The following HERC4 variants were observed in gnomAD, a reference collection of about 807,000 sequenced individuals.
HERC4 encodes the protein HECT and RLD domain containing E3 ubiquitin protein ligase 4, also known as probable E3 ubiquitin-protein ligase HERC4.
HERC4 carries 28 observed loss-of-function variants against 124.3 expected under a neutral mutation model. The observed-to-expected ratio is 0.23, with a 90% CI of 0.17 to 0.31. The LOEUF is 0.31. Among genes scored for constraint, HERC4 ranks in the 10% least tolerant of loss-of-function variants. The pLI, the probability that HERC4 is intolerant of heterozygous loss-of-function variation, is 1.00. For synonymous variants in HERC4, 407 were observed against 421.5 expected, an observed-to-expected ratio of 0.97 and a Z score of 0.42; for missense variants, 713 against 1,229.3, an observed-to-expected ratio of 0.58 and a Z score of 6.28.
chr10:67,992,219 C>A lies in HERC4; in HGVS notation c.1251G>T (p.Arg417Ser). 1.9e-6 allele frequency: 3 copies of A among 1,613,936 alleles called. No homozygotes were observed. Among genetic ancestry groups the A allele is most frequent in the South Asian group, 1.1e-5 (1 of 91,080 alleles). Reference sequence around the variant, plus strand: ...CTTACTTGGCTATCTCCACAGGAAACCTTCCAGAAGGATAGCTCAGCCATT... The same window carrying A: ...CTTACTTGGCTATCTCCACAGGAAAACTTCCAGAAGGATAGCTCAGCCATT... ...IQKWLSYPSG[R>S]FPVEIANEID... Residue 417 changes from arginine (R) to serine (S), a missense_variant, in exon 11 of 25, where the codon AGG (arginine) becomes AGT (serine). Transcript: ENST00000373700.
chr10:68,009,611 G>C (rs927336862), intron 9 of HERC4, among the ~76,000 whole-genome samples: 3 of 152,170 alleles, frequency 2.0e-5, no homozygotes, highest in Non-Finnish European at 4.4e-5. Flanking sequence ...GGTGGTAATT[G>C]CTGAAGGCTG....
chr10:67,927,092 T>C (rs1348343486), intron 23 of HERC4, among the ~76,000 whole-genome samples: 6 of 152,118 alleles, frequency 3.9e-5, no homozygotes, highest in African/African-American at 1.4e-4. Flanking sequence ...ATATGCAAAA[T>C]ATTTGCTGTT....
intron 23 of HERC4, among the ~76,000 whole-genome samples, chr10:67,926,210 C>T (rs1406963366): frequency 6.6e-6 from 1 of 152,118 alleles, no homozygotes; most frequent in East Asian, 1.9e-4. Context: ...GCCTGGCCAA[C>T]ATGGTGAAAC....
chr10:68,027,582 T>G (rs1391854706), intron 7 of HERC4, among the ~76,000 whole-genome samples: 1 of 152,252 alleles, frequency 6.6e-6, no homozygotes, highest in Non-Finnish European at 1.5e-5. Flanking sequence ...ATTATTTTAT[T>G]GCATCATGTC....
chr10:67,927,415 TA>T (rs57274189), intron 23 of HERC4, among the ~76,000 whole-genome samples: 142 of 12,430 alleles, frequency 0.011, 15 homozygotes, highest in East Asian at 0.03. Flanking sequence ...TATATATATA[TA>T]TATATATATA....
At chr10:67,961,482 C>G (rs1315910939) in intron 16 of HERC4, 2 of 152,274 alleles carry the variant, frequency 1.3e-5, no homozygotes, top group East Asian at 3.8e-4. Context: ...TGGTGCTGCT[C>G]AGAGAGTCAA....
rs182757686 is a variant in HERC4 at position 68,016,631 on chromosome 10, T to G, written c.909-2445A>C. Among the ~76,000 whole-genome samples, 34 of 152,134 alleles carry G rather than the reference T, an allele frequency of 2.2e-4. No homozygotes were observed. The East Asian group carries it at 6.0e-3, about 27-fold the overall frequency. ...CTCCCAAAGTGCTGGGATTACAGGC[T>G]TGAGCCACTGCACCCGGCCCAATAA... On this transcript the variant is annotated intron_variant, in intron 8 of 24. Transcript: ENST00000373700.
At chr10:68,023,333 T>C (rs966461267) in intron 8 of HERC4, among the ~76,000 whole-genome samples, 2 of 152,146 alleles carry the variant, frequency 1.3e-5, no homozygotes, top group African/African-American at 4.8e-5. Flanking sequence ...AATTAGCATA[T>C]ACACACAATG....
At chr10:67,965,199 AT>A (rs1375405932) in intron 16 of HERC4, 1 of 152,132 alleles carries the variant, frequency 6.6e-6, no homozygotes, top group Non-Finnish European at 1.5e-5. Flanking sequence ...TGTCATTCAG[AT>A]TAGTACTCAT....
In HERC4 at chr10:68,062,685, G is replaced by A. The variant is rs181111205; in HGVS notation, c.226+10198C>T. Among the ~76,000 whole-genome samples the A allele has an allele frequency of 3.3e-3, 507 of 152,036 alleles. 3 individuals are homozygous for A. The highest frequency in any genetic ancestry group is 0.011 in the African/African-American group (457 of 41,476). On this transcript the variant is annotated intron_variant, in intron 3 of 24. Transcript: ENST00000373700. ...TGAGGCAGGAGAATCACATGAACCC[G>A]GGAGGCGGAGGTTGCAGTGAGCTGG... is the stretch of plus-strand genomic sequence containing the variant.
chr10:68,013,995 T>C (rs1323163238), intron 9 of HERC4, 31 bp downstream of exon 9: 2 of 1,510,366 alleles, frequency 1.3e-6, no homozygotes, highest in African/African-American at 1.4e-5. Context: ...CTTCAATATA[T>C]GAAGGAAAGC....
intron 6 of HERC4, 117 bp downstream of exon 6, chr10:68,033,848 T>C: frequency 1.3e-6 from 1 of 768,076 alleles, no homozygotes; most frequent in Non-Finnish European, 2.1e-6. Flanking sequence ...TAACATCTCA[T>C]CCCCACCTCT....
chr10:68,012,869 CATT>C (rs1477729767), intron 9 of HERC4, among the ~76,000 whole-genome samples: 2 of 152,068 alleles, frequency 1.3e-5, no homozygotes, highest in Admixed American at 1.3e-4. Context: ...CAATATTTTT[CATT>C]ATTATTTTAT....
intron 15 of HERC4, among the ~76,000 whole-genome samples, chr10:67,973,263 C>T (rs779761542): frequency 3.3e-5 from 5 of 152,044 alleles, no homozygotes; most frequent in African/African-American, 4.8e-5. Context: ...GCTAAAGAGA[C>T]ACAATCTGTA....
chr10:68,062,667 G>A (rs2041090712), intron 3 of HERC4, among the ~76,000 whole-genome samples: 1 of 152,062 alleles, frequency 6.6e-6, no homozygotes, highest in South Asian at 2.1e-4. Flanking sequence ...GGCTGAGGCA[G>A]GAGAATCACA....
chr10:68,060,919 T>TA lies in HERC4; in HGVS notation c.226+11963dup, dbSNP rs34505719. On this transcript the variant is annotated intron_variant, in intron 3 of 24. Transcript: ENST00000373700. ...CTACTTTATCCTCGTTATGCCATCC[T>TA]AAAAAAAAAAAAGTCACAAATGTCT... Among the ~76,000 whole-genome samples the TA allele has an allele frequency of 8.7e-4, 127 of 145,172 alleles. 1 individual carries two copies. The highest frequency in any genetic ancestry group is 9.9e-4 in the Non-Finnish European group (65 of 65,704).
chr10:67,925,536 G>T (rs190119964), intron 23 of HERC4, among the ~76,000 whole-genome samples: 284 of 152,244 alleles, frequency 1.9e-3, no homozygotes, highest in Middle Eastern at 3.4e-3. Context: ...TTCATGAACA[G>T]AAGTCAAACC....
At chr10:67,985,336 A>G (rs1467960906) in intron 15 of HERC4, among the ~76,000 whole-genome samples, 1 of 152,264 alleles carries the variant, frequency 6.6e-6, no homozygotes, top group East Asian at 1.9e-4. Context: ...TCTATTTGCA[A>G]AATGAATTTT....
chr10:67,976,603 G>C (rs2035603598), intron 15 of HERC4, among the ~76,000 whole-genome samples: 1 of 152,032 alleles, frequency 6.6e-6, no homozygotes, highest in Non-Finnish European at 1.5e-5. Flanking sequence ...CCAAAAATCA[G>C]GTGAGCACTC....
Sources: gnomAD v4.1 joint callset for allele counts (sites outside exome capture counted in the v4.1 genomes callset) on GRCh38, gnomAD v4.1.1 for gene constraint, MANE v1.5 for transcripts, NCBI Gene and HGNC (gene_info 2026-07-23, HGNC 2026-07-21) for gene names.